The following WDR27 variants were observed in gnomAD, a reference collection of about 807,000 sequenced individuals.
The protein encoded by WDR27 is WD repeat domain 27.
WDR27 carries 100 observed loss-of-function variants against 114.4 expected under a neutral mutation model. That is an observed-to-expected ratio of 0.87 (90% CI 0.74 to 1.03). WDR27 has a LOEUF of 1.03. Ranked by LOEUF, WDR27 falls within the 50% of genes least tolerant of loss-of-function variation. The pLI is 0.00. For missense variants in WDR27, 1,129 were observed against 1,092.9 expected, an observed-to-expected ratio of 1.03 and a Z score of -0.47; for synonymous variants, 449 against 423.1, an observed-to-expected ratio of 1.06 and a Z score of -0.75.
At chr6:169,554,486 G>C (rs1798603623) in intron 25 of WDR27, among the ~76,000 whole-genome samples, 1 of 152,150 alleles carries the variant, frequency 6.6e-6, no homozygotes, top group Non-Finnish European at 1.5e-5. Flanking sequence ...ATCATTGCTG[G>C]CGAAATACAA....
At chr6:169,533,996 G>A (rs112606397) in intron 25 of WDR27, among the ~76,000 whole-genome samples, 59 of 152,298 alleles carry the variant, frequency 3.9e-4, no homozygotes, top group Admixed American at 1.7e-3. Flanking sequence ...GCACCCAGCC[G>A]AAAACCATTA....
At chr6:169,450,262 A>C in the WDR27 span, among the ~76,000 whole-genome samples, 1 of 151,994 alleles carries the variant, frequency 6.6e-6, no homozygotes. Flanking sequence ...AGGAGGCTGC[A>C]GCCCCAGGCA....
At chr6:169,452,283 A>G (rs147788939), downstream of WDR27, among the ~76,000 whole-genome samples, 604 of 152,300 alleles carry the variant, frequency 4.0e-3, 2 homozygotes, top group Non-Finnish European at 5.3e-3. Flanking sequence ...CTCCTCCCAC[A>G]GCCTCTGGCG....
intron 25 of WDR27, among the ~76,000 whole-genome samples, chr6:169,513,840 GC>G (rs1218247826): frequency 6.6e-6 from 1 of 151,954 alleles, no homozygotes; most frequent in Non-Finnish European, 1.5e-5. Context: ...CATGGGCACA[GC>G]CCTAAAGAGA....
At chr6:169,528,251 G>A (rs1795175369) in intron 25 of WDR27, among the ~76,000 whole-genome samples, 1 of 152,036 alleles carries the variant, frequency 6.6e-6, no homozygotes, top group Non-Finnish European at 1.5e-5. Context: ...ATATGGAAAG[G>A]CATTACTGAA....
chr6:169,475,203 A>G (rs1235361721), intron 25 of WDR27, among the ~76,000 whole-genome samples: 2 of 152,170 alleles, frequency 1.3e-5, no homozygotes, highest in Admixed American at 6.5e-5. Context: ...ATATTATCCT[A>G]TATTTTCTTC....
In WDR27 at chr6:169,695,527, A is replaced by G. The variant is rs77368258; in HGVS notation, c.-8+6024T>C. On this transcript the variant is annotated intron_variant, in intron 1 of 25. Transcript: ENST00000448612. ...CAGTGTGTCCATTTTAGAGGGTAAC[A>G]CTCAGAAAGCCATCTTGTTTCTCTC... is the stretch of plus-strand genomic sequence containing the variant. Among the ~76,000 whole-genome samples, 30 of 152,330 alleles carry G rather than the reference A, an allele frequency of 2.0e-4. No homozygotes were observed. The East Asian group carries it at 5.6e-3, about 28-fold the overall frequency.
intron 4 of WDR27, chr6:169,670,299 A>G: frequency 3.5e-6 from 1 of 287,738 alleles, no homozygotes; most frequent in Non-Finnish European, 6.3e-6. Context: ...GAGAAATAAT[A>G]GTTTTGCAGA....
intron 25 of WDR27, among the ~76,000 whole-genome samples, chr6:169,565,042 T>C (rs1800244792): frequency 6.6e-6 from 1 of 151,780 alleles, no homozygotes; most frequent in Non-Finnish European, 1.5e-5. Flanking sequence ...GCCTGAAGCC[T>C]CGCCGAGCTG....
intron 25 of WDR27, among the ~76,000 whole-genome samples, chr6:169,494,805 A>C (rs1393459237): frequency 6.6e-6 from 1 of 152,162 alleles, no homozygotes; most frequent in Non-Finnish European, 1.5e-5. Context: ...ACCAGAGGTA[A>C]ATTTTCCTGT....
chr6:169,459,377 T>C (rs1784644831), intron 25 of WDR27, among the ~76,000 whole-genome samples: 1 of 151,406 alleles, frequency 6.6e-6, no homozygotes, highest in African/African-American at 2.4e-5. Flanking sequence ...ATAGAAACTA[T>C]CAAGTCTGAG....
chr6:169,531,548 C>T (rs921835638), intron 25 of WDR27, among the ~76,000 whole-genome samples: 1 of 152,094 alleles, frequency 6.6e-6, no homozygotes, highest in Non-Finnish European at 1.5e-5. Context: ...GCATCCAGCT[C>T]GCTGAGTGTT....
chr6:169,553,029 T>C (rs1360703338), intron 25 of WDR27, among the ~76,000 whole-genome samples: 3 of 58,984 alleles, frequency 5.1e-5, no homozygotes, highest in Admixed American at 3.6e-4. Flanking sequence ...TGTGTGTGTA[T>C]GCAGGGAGGT....
intron 25 of WDR27, among the ~76,000 whole-genome samples, chr6:169,529,310 T>TGCGGG (rs1554281608): frequency 1.2e-4 from 2 of 16,170 alleles, no homozygotes; most frequent in African/African-American, 4.3e-4. Flanking sequence ...TGGTGACCTC[T>TGCGGG]GCGGGGGGGG....
At chr6:169,561,386 C>T (rs1799650324) in intron 25 of WDR27, among the ~76,000 whole-genome samples, 1 of 152,066 alleles carries the variant, frequency 6.6e-6, no homozygotes, top group Non-Finnish European at 1.5e-5. Flanking sequence ...AGAAAACAAA[C>T]ATTTAGATCA....
At chr6:169,460,685 T>A (rs1044779704) in intron 25 of WDR27, among the ~76,000 whole-genome samples, 1 of 152,152 alleles carries the variant, frequency 6.6e-6, no homozygotes, top group African/African-American at 2.4e-5. Flanking sequence ...TATAGTTGCC[T>A]CTCAATATAC....
chr6:169,530,367 C>T (rs866399773), intron 25 of WDR27, among the ~76,000 whole-genome samples: 23 of 152,178 alleles, frequency 1.5e-4, no homozygotes, highest in African/African-American at 5.5e-4. Context: ...GAAAACAAGT[C>T]CTCAGTGACT....
At chr6:169,505,053 T>G (rs1372106117) in intron 25 of WDR27, among the ~76,000 whole-genome samples, 12 of 152,204 alleles carry the variant, frequency 7.9e-5, no homozygotes, top group Non-Finnish European at 1.6e-4. Flanking sequence ...ACAATATTAT[T>G]ACTTGGCTAC....
chr6:169,603,092 T>C (rs1412601707), intron 22 of WDR27, among the ~76,000 whole-genome samples: 1 of 151,966 alleles, frequency 6.6e-6, no homozygotes, highest in East Asian at 1.9e-4. Flanking sequence ...TCCACCTGCC[T>C]TGGCCTCCCA....
Sources: allele counts gnomAD v4.1 joint callset (sites outside exome capture counted in the v4.1 genomes callset), GRCh38; gene constraint gnomAD v4.1.1; transcripts MANE v1.5; gene names NCBI Gene and HGNC (gene_info 2026-07-23, HGNC 2026-07-21).